HSPG2: variants seen among roughly 807,000 people sequenced by gnomAD.
The protein encoded by HSPG2 is basement membrane-specific heparan sulfate proteoglycan core protein.
A neutral mutation model predicts 526.6 loss-of-function variants in HSPG2; 278 were observed. That is an observed-to-expected ratio of 0.53 (90% CI 0.48 to 0.58). HSPG2 has a LOEUF of 0.58. Ranked by LOEUF, HSPG2 falls within the 20% of genes least tolerant of loss-of-function variation. The probability of loss-of-function intolerance (pLI) is 0.00; values close to 1 mark genes in which losing one functional copy is unlikely to be tolerated. For missense variants in HSPG2, 5,354 were observed against 6,099.5 expected, an observed-to-expected ratio of 0.88 and a Z score of 4.07; for synonymous variants, 2,465 against 2,555.4, an observed-to-expected ratio of 0.96 and a Z score of 1.07.
intron 1 of HSPG2, among the ~76,000 whole-genome samples, chr1:21,897,804 TC>T (rs1642858689): frequency 6.6e-6 from 1 of 152,270 alleles, no homozygotes; most frequent in African/African-American, 2.4e-5. Flanking sequence ...GGGTGATGGT[TC>T]CCTGGGCATA....
rs372407090 is a variant in HSPG2 at position 21,876,546 on chromosome 1, C to T, written c.2792G>A (p.Arg931His). The T allele has an allele frequency of 4.1e-5, 66 of 1,614,068 alleles. No homozygotes were observed. The highest frequency in any genetic ancestry group is 8.3e-5 in the Admixed American group (5 of 60,002). ...GCTCCATGAAGAGCTGGTGCAGTGG[C>T]GACTGACACCCATGCAGAAGCACTT... ...CLKCFCMGVS[R>H]HCTSSSWSRA... Residue 931 changes from arginine (R) to histidine (H), a missense_variant, in exon 22 of 97, where the codon CGC becomes CAC. Physicochemically the swap from Arg to His is conservative, Grantham distance 29. Transcript: ENST00000374695.
rs1444895960 is a variant in HSPG2, at chr1:21,872,046, AATGTCTAT to A, written c.4221+132_4221+139del. The stretch of plus-strand genomic sequence containing the variant: ...AAGCGGCAGAGCTGGGGTTCAGACC[AATGTCTAT>A]GGGACTGCAAAAGCCACGTGCCTAA... On this transcript the variant is annotated intron_variant, in intron 33 of 96. Transcript: ENST00000374695. The surrounding 1 kb of genome is among the most constrained non-coding windows in gnomAD (Gnocchi z 5.5). 1.2e-6 allele frequency: 1 copy of A among 823,594 alleles called. No individual in the cohort carries two copies. Among genetic ancestry groups the A allele is most frequent in the Non-Finnish European group, 2.0e-6 (1 of 499,962 alleles). The allele number at this position is 823,594 out of a possible 1,614,324, so 51.0% of individuals were successfully genotyped here.
intron 91 of HSPG2, among the ~76,000 whole-genome samples, chr1:21,826,957 C>T (rs1274490417): frequency 6.6e-6 from 1 of 151,996 alleles, no homozygotes; most frequent in Admixed American, 6.6e-5. Flanking sequence ...GCCTGTAATC[C>T]AGCACTTTAG....
chr1:21,835,154 T>C (rs1000484179), intron 76 of HSPG2: 2 of 653,556 alleles, frequency 3.1e-6, no homozygotes, highest in Non-Finnish European at 5.5e-6. Context: ...TTTTTTTTTT[T>C]AGACAAAGGG....
At chr1:21,902,157 A>G (rs1643134681) in intron 1 of HSPG2, among the ~76,000 whole-genome samples, 1 of 151,988 alleles carries the variant, frequency 6.6e-6, no homozygotes, top group African/African-American at 2.4e-5. Flanking sequence ...AGGGGCTCAG[A>G]GCCCGACACA....
At chr1:21,853,118 C>T in intron 50 of HSPG2, 48 bp from the exon 51 acceptor site, 3 of 1,610,228 alleles carry the variant, frequency 1.9e-6, no homozygotes, top group Non-Finnish European at 2.5e-6. Flanking sequence ...GGGCTGTAAC[C>T]TGTAGCCCTG....
chr1:21,876,639 CCCA>C lies in HSPG2; in HGVS notation c.2696_2698del (p.Val899del). ...GTCAGCACATTCATTGCACAAGCGC[CCCA>C]CCACATTGTTCTGCAGGCACAGAGT... On this transcript the variant is annotated inframe_deletion, in exon 22 of 97. Coordinates refer to ENST00000374695, the MANE Select transcript of HSPG2 (RefSeq NM_005529.7). 1 of 1,614,224 alleles carries C rather than the reference CCCA, an allele frequency of 6.2e-7. No homozygotes were observed. The highest frequency in any genetic ancestry group is 8.5e-7 in the Non-Finnish European group (1 of 1,180,032).
In HSPG2 at chr1:21,874,438, C is replaced by G; in HGVS notation, c.3624G>C (p.Leu1208=). ...CAGCAGGGTCTCCGTAGCAGGGGCA[C>G]AGCTGGCAGTCCTGTGGTGTCCCCC... is the stretch of plus-strand genomic sequence containing the variant. The part of the protein sequence containing the change: ...AQRGTPQDCQ[L]CPCYGDPAAG... Residue 1208 remains leucine, a synonymous_variant, in exon 28 of 97, where the codon CTG becomes CTC. Transcript: ENST00000374695. 1 of 1,611,910 alleles carries G rather than the reference C, an allele frequency of 6.2e-7. No individual in the cohort carries two copies. The highest frequency in any genetic ancestry group is 8.5e-7 in the Non-Finnish European group (1 of 1,179,888).
chr1:21,874,374 G>C (rs1395810310), intron 28 of HSPG2, 32 bp downstream of exon 28: 15 of 1,610,140 alleles, frequency 9.3e-6, no homozygotes, highest in Admixed American at 8.3e-5. Flanking sequence ...ACATTTCAGG[G>C]AAGGGCAGGT....
chr1:21,829,048 C>T lies in HSPG2; in HGVS notation c.12024G>A (p.Leu4008=). ...GLAVLRSAEP[L]ALGRWHRVSA... is the part of the protein sequence containing the mutation. ...ACACACGGTGCCAGCGGCCCAGGGC[C>T]AGCGGCTCGGCGCTCCGCAGAACGG... The change falls in exon 88 of 97, where the codon CTG becomes CTA. Residue 4008 remains leucine, a synonymous_variant. Transcript: ENST00000374695. The T allele has an allele frequency of 6.5e-7, 1 of 1,546,776 alleles. No homozygotes were observed. The highest frequency in any genetic ancestry group is 2.0e-5 in the Admixed American group (1 of 51,076).
Position 21,848,885 on chromosome 1 carries a change from ACACT to A in HSPG2, c.7585+4_7585+7del. The A allele has an allele frequency of 1.2e-6, 2 of 1,613,540 alleles. No homozygotes were observed. The highest frequency in any genetic ancestry group is 8.5e-7 in the Non-Finnish European group (1 of 1,179,978). Reference sequence around the variant, plus strand: ...CTCCACCATTTGCATGACCCCCGAGACACTCACAGTGGGAGCCACTAAGGCGCTG... The same window carrying A: ...CTCCACCATTTGCATGACCCCCGAGACACAGTGGGAGCCACTAAGGCGCTG... On this transcript the variant is annotated splice_donor_5th_base_variant and intron_variant, in intron 58 of 96. Coordinates refer to ENST00000374695, the MANE Select transcript of HSPG2 (RefSeq NM_005529.7). This position sits in a 1 kb window ranked among gnomAD's most constrained non-coding sequence, Gnocchi z 4.9.
chr1:21,831,387 C>T, intron 83 of HSPG2, 63 bp from the exon 84 acceptor site: 1 of 1,602,542 alleles, frequency 6.2e-7, no homozygotes, highest in Middle Eastern at 1.7e-4. Flanking sequence ...CCTGAGGTGC[C>T]CTCCCAGGCT....
rs375035055 is a variant in HSPG2 at position 21,885,168 on chromosome 1, C to G, written c.1211-11G>C. The G allele has an allele frequency of 2.6e-5, 41 of 1,605,924 alleles. No homozygotes were observed. The African/African-American group carries it at 3.5e-4, about 14-fold the overall frequency. On this transcript the variant is annotated splice_polypyrimidine_tract_variant and intron_variant, in intron 10 of 96. Transcript: ENST00000374695. ...CCACCTGGGGGGGCACTGAGGAGAC[C>G]AGGGCAGGAGTGAGGGGTCGGGGGC...
At chr1:21,901,061 C>G (rs550799004) in intron 1 of HSPG2, among the ~76,000 whole-genome samples, 13 of 152,120 alleles carry the variant, frequency 8.5e-5, no homozygotes, top group African/African-American at 3.1e-4. Flanking sequence ...TGTCACATGC[C>G]GGCTGGGCAC....
In HSPG2 at chr1:21,829,993, C is replaced by A; in HGVS notation, c.11770G>T (p.Gly3924Cys). The change falls in exon 86 of 97, where the codon GGT becomes TGT. Residue 3924 changes from glycine to cysteine, a missense_variant and splice_region_variant. Coordinates refer to ENST00000374695, the MANE Select transcript of HSPG2 (RefSeq NM_005529.7). ...GGGTCTCAGGCCTGGCTCCCCTCAC[C>A]TTCCTCACACCGCAACCCCGAGCGG... ...LGRSGLRCEE[G>C]VTVTTPSLSG... 1 of 1,605,980 alleles carries A rather than the reference C, an allele frequency of 6.2e-7. No individual in the cohort carries two copies. The highest frequency in any genetic ancestry group is 2.2e-5 in the East Asian group (1 of 44,624).
Position 21,872,144 on chromosome 1 carries a change from T to G in HSPG2, c.4221+42A>C, listed in dbSNP as rs1640698906. On this transcript the variant is annotated intron_variant, in intron 33 of 96. Transcript: ENST00000374695. The surrounding 1 kb of genome is among the most constrained non-coding windows in gnomAD (Gnocchi z 5.5). ...GAGAGACGGCGCAGAGGTGAACTCATGTCTGAGTCACGGCTGACCCTGGTG... is the reference window on the plus strand; with the variant it reads ...GAGAGACGGCGCAGAGGTGAACTCAGGTCTGAGTCACGGCTGACCCTGGTG... 6.5e-7 allele frequency: 1 copy of G among 1,541,850 alleles called. No individual in the cohort carries two copies. The highest frequency in any genetic ancestry group is 1.4e-5 in the African/African-American group (1 of 72,868).
rs769846370 is a variant in HSPG2, at chr1:21,890,105, C to T, written c.450G>A (p.Val150=). 7 of 1,613,960 alleles carry T rather than the reference C, an allele frequency of 4.3e-6. No individual in the cohort carries two copies. The East Asian group carries it at 1.1e-4, about 26-fold the overall frequency. The part of the protein sequence containing the change: ...LDGWVFVELD[V]GSEGNADGAQ... ...CCCCATCCGCATTCCCTTCCGAGCC[C>T]ACATCCAGCTCCACAAAAACCCAGC... Residue 150 remains valine (V), a synonymous_variant, in exon 6 of 97, where the codon GTG becomes GTA. Transcript: ENST00000374695. The surrounding 1 kb of genome is among the most constrained non-coding windows in gnomAD (Gnocchi z 4.1).
Position 21,904,194 on chromosome 1 carries a change from G to A in HSPG2, c.64-7884C>T, listed in dbSNP as rs531953775. 9.8e-5 allele frequency among the ~76,000 whole-genome samples: 15 copies of A among 152,322 alleles called. No individual in the cohort carries two copies. The South Asian group carries it at 3.1e-3, about 32-fold the overall frequency. On this transcript the variant is annotated intron_variant, in intron 1 of 96. Transcript: ENST00000374695. The surrounding 1 kb of genome is among the most constrained non-coding windows in gnomAD (Gnocchi z 4.4). The stretch of plus-strand genomic sequence containing the variant: ...AGGAAGGGGGCCGGCAGAGCCCAGG[G>A]GAGGGTCCCCTCACTTAGGGAGGTG...
chr1:21,847,962 G>A lies in HSPG2; in HGVS notation c.7869C>T (p.Ser2623=). 6.2e-7 allele frequency: 1 copy of A among 1,613,850 alleles called. No individual in the cohort carries two copies. The highest frequency in any genetic ancestry group is 8.5e-7 in the Non-Finnish European group (1 of 1,180,014). The change falls in exon 60 of 97, where the codon TCC becomes TCT. Residue 2623 remains serine, a synonymous_variant. Coordinates refer to ENST00000374695, the MANE Select transcript of HSPG2 (RefSeq NM_005529.7). This position sits in a 1 kb window ranked among gnomAD's most constrained non-coding sequence, Gnocchi z 4.1. ...CCCTGCCCTCTCTGCTCTCACCGTG[G>A]GAGGAACCGCTGCCCTGGATGGTGA... The part of the protein sequence containing the change: ...LIVTIQGSGS[S]HVPSVSPPIR...
Sources: gnomAD v4.1 joint callset for allele counts (sites outside exome capture counted in the v4.1 genomes callset) on GRCh38, gnomAD v4.1.1 for gene constraint, Gnocchi (gnomAD v3.1) non-coding constraint, MANE v1.5 for transcripts, NCBI Gene and HGNC (gene_info 2026-07-23, HGNC 2026-07-21) for gene names.